BAZ2B: variants seen among roughly 807,000 people sequenced by gnomAD.
BAZ2B encodes bromodomain adjacent to zinc finger domain 2B.
In BAZ2B, 91 loss-of-function variants were observed where a neutral mutation model predicts 246.0. That is an observed-to-expected ratio of 0.37 (90% CI 0.31 to 0.44). The LOEUF is 0.44. BAZ2B is among the 20% of genes least tolerant of loss of function. The probability of loss-of-function intolerance (pLI) is 1.00; values close to 1 mark genes in which losing one functional copy is unlikely to be tolerated. For missense variants in BAZ2B, 2,332 were observed against 2,533.7 expected (o/e 0.92, Z 1.71); for synonymous variants, 855 against 860.0 (o/e 0.99, Z 0.10).
chr2:159,391,843 A>G (rs920758245), intron 20 of BAZ2B, among the ~76,000 whole-genome samples: 1 of 152,190 alleles, frequency 6.6e-6, no homozygotes, highest in Non-Finnish European at 1.5e-5. Context: ...TTATCAGTTA[A>G]AGACAAGCAT....
At chr2:159,689,951 A>G in the BAZ2B span, 1 of 363,680 alleles carries the variant, frequency 2.7e-6, no homozygotes, top group Non-Finnish European at 5.1e-6. Flanking sequence ...CTTGACATCA[A>G]CAGGAGCTTC....
chr2:159,558,701 T>G (rs1254532333), intron 1 of BAZ2B, among the ~76,000 whole-genome samples: 1 of 152,072 alleles, frequency 6.6e-6, no homozygotes, highest in Admixed American at 6.6e-5. Flanking sequence ...CAGAGACCTA[T>G]AAGTAGGGCC....
chr2:159,603,286 A>G (rs895562964), intron 1 of BAZ2B, among the ~76,000 whole-genome samples: 2 of 152,390 alleles, frequency 1.3e-5, no homozygotes, highest in South Asian at 2.1e-4. Context: ...CAAAAACTAC[A>G]TAACAGCTAC....
intron 1 of BAZ2B, among the ~76,000 whole-genome samples, chr2:159,567,391 A>T (rs1014086091): frequency 1.4e-4 from 22 of 152,188 alleles, no homozygotes. Flanking sequence ...AGTATTCATA[A>T]GGTAAAAATA....
At chr2:159,446,745 G>T (rs747836135) in intron 6 of BAZ2B, 37 bp downstream of exon 6, 6 of 1,503,842 alleles carry the variant, frequency 4.0e-6, no homozygotes, top group Non-Finnish European at 5.4e-6. Context: ...CTTATATATA[G>T]ATCTGTTATA....
At chr2:159,662,185 G>A in the BAZ2B span, among the ~76,000 whole-genome samples, 1 of 152,074 alleles carries the variant, frequency 6.6e-6, no homozygotes, top group Non-Finnish European at 1.5e-5. Flanking sequence ...CTTTTTGTTG[G>A]CCAAAAATAA....
At chr2:159,481,420 T>TA (rs1159587898) in intron 2 of BAZ2B, among the ~76,000 whole-genome samples, 3 of 150,482 alleles carry the variant, frequency 2.0e-5, no homozygotes, top group South Asian at 2.1e-4. Flanking sequence ...TAAAGTATAA[T>TA]AAAAAATATA....
chr2:159,659,175 T>C, the BAZ2B span, among the ~76,000 whole-genome samples: 2 of 152,208 alleles, frequency 1.3e-5, no homozygotes, highest in South Asian at 2.1e-4. Context: ...ATTCCTACTA[T>C]TATTTTGTAA....
intron 14 of BAZ2B, among the ~76,000 whole-genome samples, chr2:159,407,774 A>T (rs562458297): frequency 1.3e-3 from 199 of 152,344 alleles, no homozygotes; most frequent in African/African-American, 4.6e-3. Context: ...GGTTACAGGC[A>T]TCATCAAAAA....
At chr2:159,454,732 A>G (rs1033331562) in intron 3 of BAZ2B, among the ~76,000 whole-genome samples, 3 of 152,228 alleles carry the variant, frequency 2.0e-5, no homozygotes, top group African/African-American at 7.2e-5. Flanking sequence ...ACAAGACAAC[A>G]TAAGTACTTA....
the BAZ2B span, among the ~76,000 whole-genome samples, chr2:159,672,399 T>C: frequency 6.6e-6 from 1 of 152,188 alleles, no homozygotes; most frequent in African/African-American, 2.4e-5. Flanking sequence ...TGTTCAACAA[T>C]GGCCAATATT....
chr2:159,418,649 C>G (rs1052766638), intron 13 of BAZ2B, among the ~76,000 whole-genome samples: 3 of 151,782 alleles, frequency 2.0e-5, no homozygotes, highest in African/African-American at 7.3e-5. Context: ...ATACAGTATA[C>G]CAGTCCACCA....
chr2:159,412,708 T>C (rs2067012138), intron 13 of BAZ2B, among the ~76,000 whole-genome samples, 163 bp from the exon 14 acceptor site: 1 of 152,234 alleles, frequency 6.6e-6, no homozygotes, highest in South Asian at 2.1e-4. Context: ...GATGTATAAT[T>C]ATTCATGGCC....
intron 2 of BAZ2B, among the ~76,000 whole-genome samples, chr2:159,548,051 C>A (rs569172214): frequency 6.6e-6 from 1 of 152,218 alleles, no homozygotes; most frequent in African/African-American, 2.4e-5. Flanking sequence ...GGGTTTCTTT[C>A]ATCCAAATAT....
At chr2:159,598,071 G>A (rs1196224696) in intron 1 of BAZ2B, among the ~76,000 whole-genome samples, 1 of 150,720 alleles carries the variant, frequency 6.6e-6, no homozygotes, top group Non-Finnish European at 1.5e-5. Context: ...TCTGCTCACT[G>A]CAATCTCTGC....
rs999951580 is a variant in BAZ2B, at chr2:159,372,964, C to T, written c.4213+81G>A. On this transcript the variant is annotated intron_variant, in intron 27 of 36. Coordinates refer to ENST00000392783, the MANE Select transcript of BAZ2B (RefSeq NM_013450.4). ...TTACCAAACATTGATTATGGGAACA[C>T]AAAATATATTGAAGAAGTAACAGAG... The T allele has an allele frequency of 2.1e-6, 3 of 1,440,404 alleles. No homozygotes were observed. In the African/African-American group the frequency reaches 4.4e-5, roughly 21 times the overall value. The allele number at this position is 1,440,404 out of a possible 1,614,324, so 89.2% of individuals were successfully genotyped here.
At chr2:159,412,993 G>C (rs2067066412) in intron 13 of BAZ2B, among the ~76,000 whole-genome samples, 3 of 152,138 alleles carry the variant, frequency 2.0e-5, no homozygotes, top group African/African-American at 7.2e-5. Flanking sequence ...AATTAAGACA[G>C]AAAGAGTTAG....
In BAZ2B at chr2:159,325,806, G is replaced by C; in HGVS notation, c.6056C>G (p.Ser2019Cys). ...TTTTAGTGAACTACTTGTAGATGCA[G>C]AGTCTTCATCTTCAGTATCTCCTGT... ...TLTGDTEDED[S>C]ASTSSSLKRG... The change falls in exon 35 of 37, where the codon TCT (serine) becomes TGT (cysteine). Residue 2019 changes from serine to cysteine, a missense_variant. Physicochemically the swap from Ser to Cys is moderately radical, Grantham distance 112. Coordinates refer to ENST00000392783, the MANE Select transcript of BAZ2B (RefSeq NM_013450.4). 1.9e-6 allele frequency: 3 copies of C among 1,609,930 alleles called. No individual in the cohort carries two copies. The South Asian group carries it at 3.3e-5, about 18-fold the overall frequency.
chr2:159,598,858 G>A (rs1012423741), intron 1 of BAZ2B, among the ~76,000 whole-genome samples: 1 of 151,850 alleles, frequency 6.6e-6, no homozygotes, highest in African/African-American at 2.4e-5. Context: ...ACAAAAATAA[G>A]TAAATAAATA....
Sources: gnomAD v4.1 joint callset for allele counts (sites outside exome capture counted in the v4.1 genomes callset) on GRCh38, gnomAD v4.1.1 for gene constraint, MANE v1.5 for transcripts, NCBI Gene and HGNC (gene_info 2026-07-23, HGNC 2026-07-21) for gene names.